LTBP1: variants seen among roughly 807,000 people sequenced by gnomAD.
The protein encoded by LTBP1 is latent-transforming growth factor beta-binding protein 1.
A neutral mutation model predicts 207.6 loss-of-function variants in LTBP1; 129 were observed. The ratio of observed to expected loss-of-function variants is 0.62; its 90% CI spans 0.54 to 0.72. LTBP1 has a LOEUF of 0.72. Among genes scored for constraint, LTBP1 ranks in the 30% least tolerant of loss-of-function variants. The pLI is 0.00. For synonymous variants in LTBP1, 963 were observed against 833.7 expected (o/e 1.16, Z -2.67); for missense variants, 2,281 against 2,217.2 (o/e 1.03, Z -0.58).
At chr2:32,976,891 G>A (rs1287871232) in intron 2 of LTBP1, among the ~76,000 whole-genome samples, 1 of 152,224 alleles carries the variant, frequency 6.6e-6, no homozygotes, top group African/African-American at 2.4e-5. Context: ...GTGAGGGTGA[G>A]TGAGGTCACC....
chr2:33,238,061 A>AAAGTGAACTCCTGTACTTAAAGTC (rs1437108172), intron 9 of LTBP1, among the ~76,000 whole-genome samples: 58 of 114,816 alleles, frequency 5.1e-4, no homozygotes, highest in African/African-American at 2.8e-3. Flanking sequence ...TATATTGTCT[A>AAAGTGAACTCCTGTACTTAAAGTC]AGTGATCCTT....
At position 33,025,052 on chromosome 2, in the gene LTBP1, C is replaced by A. The variant is rs116692106; in HGVS notation, c.863+3846C>A. 2.7e-3 allele frequency among the ~76,000 whole-genome samples: 416 copies of A among 152,284 alleles called. 2 individuals are homozygous for A. Among genetic ancestry groups the A allele is most frequent in the Middle Eastern group, 0.017 (5 of 294 alleles). On this transcript the variant is annotated intron_variant, in intron 3 of 33. Coordinates refer to ENST00000404816, the MANE Select transcript of LTBP1 (RefSeq NM_206943.4). ...CTATGTGGACCTCTCTGTAGAGCAG[C>A]CTGAGTGTCCTCACAATGTGGCCAT...
chr2:33,398,442 A>T lies in LTBP1; in HGVS notation c.5063A>T (p.Tyr1688Phe). 6.2e-7 allele frequency: 1 copy of T among 1,614,246 alleles called. No individual in the cohort carries two copies. The highest frequency in any genetic ancestry group is 8.5e-7 in the Non-Finnish European group (1 of 1,180,042). ...NAKCINTDGS[Y>F]KCLCLPGYVP... ...AAGTGCATTAACACCGATGGTTCCTACAAGTGTTTGTGTCTGCCAGGCTAC... is the reference window on the plus strand; with the variant it reads ...AAGTGCATTAACACCGATGGTTCCTTCAAGTGTTTGTGTCTGCCAGGCTAC... The change falls in exon 34 of 34, where the codon TAC (tyrosine) becomes TTC (phenylalanine). Residue 1688 changes from tyrosine (Y) to phenylalanine (F), a missense_variant. Physicochemically the swap from Tyr to Phe is conservative, Grantham distance 22. Around this residue, in one of 3 missense-constraint regions of LTBP1, gnomAD observed 1,671 missense variants for 1,634.8 expected, o/e 1.02. Coordinates refer to ENST00000404816, the MANE Select transcript of LTBP1 (RefSeq NM_206943.4).
chr2:33,121,159 C>CTTT lies in LTBP1; in HGVS notation c.1033+10430_1033+10432dup, dbSNP rs61065486. Among the ~76,000 whole-genome samples, 30 of 87,526 alleles carry CTTT rather than the reference C, an allele frequency of 3.4e-4. 1 individual carries two copies. Among genetic ancestry groups the CTTT allele is most frequent in the African/African-American group, 1.2e-3 (25 of 20,468 alleles). The allele number at this position is 87,526 out of a possible 152,430, so 57.4% of individuals were successfully genotyped here. ...TCAGTGGAAATAAATTTTGTAAAGT[C>CTTT]TTTTTTTTTTTTTTTTTTTTTTTTA... On this transcript the variant is annotated intron_variant, in intron 4 of 33. Transcript: ENST00000404816.
intron 5 of LTBP1, among the ~76,000 whole-genome samples, chr2:33,167,361 CA>C (rs80088509): frequency 0.03 from 3,353 of 112,738 alleles, 49 homozygotes; most frequent in Non-Finnish European, 0.044. Context: ...TTTGTACATT[CA>C]AAAAAAAAAA....
intron 3 of LTBP1, among the ~76,000 whole-genome samples, chr2:33,091,409 C>T (rs218183): frequency 0.61 from 92,721 of 151,992 alleles, 29,468 homozygotes; most frequent in East Asian, 0.98. Flanking sequence ...GATGAAGCAA[C>T]TAAGCCAAAG....
At chr2:33,364,804 A>G (rs1409839571) in intron 30 of LTBP1, among the ~76,000 whole-genome samples, 1 of 152,232 alleles carries the variant, frequency 6.6e-6, no homozygotes, top group Non-Finnish European at 1.5e-5. Context: ...GCTACTGATA[A>G]TTGGCAAAAA....
chr2:33,352,907 A>G (rs1202796666), intron 26 of LTBP1, among the ~76,000 whole-genome samples: 1 of 151,034 alleles, frequency 6.6e-6, no homozygotes, highest in Non-Finnish European at 1.5e-5. Context: ...ACGCTTTCCC[A>G]AGATGATGAC....
intron 3 of LTBP1, among the ~76,000 whole-genome samples, chr2:33,065,912 C>T (rs574482658): frequency 1.7e-4 from 26 of 152,208 alleles, no homozygotes; most frequent in African/African-American, 6.0e-4. Flanking sequence ...CACTCTGTGT[C>T]GTTCTTTTTA....
At chr2:33,340,850 C>G (rs899964798) in intron 24 of LTBP1, among the ~76,000 whole-genome samples, 1 of 152,052 alleles carries the variant, frequency 6.6e-6, no homozygotes, top group African/African-American at 2.4e-5. Flanking sequence ...CATATTGATA[C>G]TATTATTTCC....
At chr2:33,206,716 G>A (rs1000390812) in intron 7 of LTBP1, among the ~76,000 whole-genome samples, 1 of 150,168 alleles carries the variant, frequency 6.7e-6, no homozygotes, top group Admixed American at 6.6e-5. Flanking sequence ...TCCAGCCTGG[G>A]CGACAGAGCA....
At chr2:33,228,096 C>A (rs539732061) in intron 9 of LTBP1, among the ~76,000 whole-genome samples, 1 of 152,016 alleles carries the variant, frequency 6.6e-6, no homozygotes, top group Admixed American at 6.6e-5. Context: ...TGAGCCACCA[C>A]GCCCGGCCAA....
intron 4 of LTBP1, among the ~76,000 whole-genome samples, chr2:33,119,643 G>A (rs763130647): frequency 1.2e-4 from 19 of 152,072 alleles, no homozygotes; most frequent in East Asian, 1.9e-4. Flanking sequence ...TGCAAGCTCC[G>A]CCTCCCGGGT....
chr2:33,229,050 T>C (rs1375503167), intron 9 of LTBP1, among the ~76,000 whole-genome samples: 1 of 152,176 alleles, frequency 6.6e-6, no homozygotes, highest in East Asian at 1.9e-4. Flanking sequence ...ACCAATTATA[T>C]ATTTGTTTAT....
intron 3 of LTBP1, among the ~76,000 whole-genome samples, chr2:33,032,135 A>G (rs908352747): frequency 2.0e-5 from 3 of 152,160 alleles, no homozygotes; most frequent in African/African-American, 4.8e-5. Context: ...CTCTCTACCT[A>G]TGTTAAATGG....
intron 3 of LTBP1, among the ~76,000 whole-genome samples, chr2:33,075,294 G>A (rs1288776041): frequency 6.6e-6 from 1 of 152,134 alleles, no homozygotes; most frequent in Non-Finnish European, 1.5e-5. Flanking sequence ...CAGGTTTTCG[G>A]TGACCTGTGG....
intron 7 of LTBP1, among the ~76,000 whole-genome samples, chr2:33,194,088 G>A (rs1327929150): frequency 7.2e-5 from 11 of 152,192 alleles, no homozygotes; most frequent in Admixed American, 3.9e-4. Context: ...CCGGGTTCAC[G>A]CCATTCTCCT....
At chr2:33,118,242 G>T (rs915113577) in intron 4 of LTBP1, among the ~76,000 whole-genome samples, 6 of 151,838 alleles carry the variant, frequency 4.0e-5, no homozygotes, top group African/African-American at 1.5e-4. Flanking sequence ...TTTGGGATTG[G>T]CTTACACCAA....
chr2:33,056,526 G>A (rs745910239), intron 3 of LTBP1: 1 of 636,918 alleles, frequency 1.6e-6, no homozygotes, highest in Non-Finnish European at 2.6e-6. Flanking sequence ...TTGCAAAAAT[G>A]TGTCCAGATT....
Sources: allele counts gnomAD v4.1 joint callset (sites outside exome capture counted in the v4.1 genomes callset), GRCh38; gene constraint gnomAD v4.1.1; regional missense constraint gnomAD v4.1.1; transcripts MANE v1.5; gene names NCBI Gene and HGNC (gene_info 2026-07-23, HGNC 2026-07-21).